PDE8B: variants seen among roughly 807,000 people sequenced by gnomAD.
PDE8B encodes the protein phosphodiesterase 8B.
A neutral mutation model predicts 101.3 loss-of-function variants in PDE8B; 26 were observed. That is an observed-to-expected ratio of 0.26 (90% confidence interval 0.19 to 0.36). The LOEUF (loss-of-function observed/expected upper bound fraction) is 0.36, where lower values mean the gene tolerates loss of function less well. Among genes scored for constraint, PDE8B ranks in the 10% least tolerant of loss-of-function variants. The pLI is 1.00. For missense variants in PDE8B, 810 were observed against 1,163.1 expected, an observed-to-expected ratio of 0.70 and a Z score of 4.42; for synonymous variants, 424 against 429.3, an observed-to-expected ratio of 0.99 and a Z score of 0.15.
chr5:77,369,721 A>C lies in PDE8B; in HGVS notation c.1167+16315A>C, dbSNP rs1784750063. ...CTAGAAAATGTGCAAGCTTGGCATC[A>C]TACCTCGAGACCACTACACAGCCCT... On this transcript the variant is annotated intron_variant, in intron 10 of 21. Coordinates refer to ENST00000264917, the MANE Select transcript of PDE8B (RefSeq NM_003719.5). Among the ~76,000 whole-genome samples, 4 of 152,238 alleles carry C rather than the reference A, an allele frequency of 2.6e-5. No homozygotes were observed. In the South Asian group the frequency reaches 8.3e-4, roughly 32 times the overall value.
At chr5:77,163,871 A>G in the PDE8B span, among the ~76,000 whole-genome samples, 1 of 152,184 alleles carries the variant, frequency 6.6e-6, no homozygotes, top group Non-Finnish European at 1.5e-5. Flanking sequence ...TTTCTTCACT[A>G]TTTCTAGCTT....
chr5:77,249,817 G>A (rs915463051), intron 1 of PDE8B, among the ~76,000 whole-genome samples: 1 of 152,180 alleles, frequency 6.6e-6, no homozygotes, highest in Admixed American at 6.5e-5. Context: ...TTAAATTTTG[G>A]GGGCAAGGAT....
chr5:77,139,927 A>C, the PDE8B span: 1 of 152,124 alleles, frequency 6.6e-6, no homozygotes, highest in Non-Finnish European at 1.5e-5. Flanking sequence ...CTTGGGCATT[A>C]CTTTTTCTGT....
the PDE8B span, among the ~76,000 whole-genome samples, chr5:77,187,758 C>T: frequency 5.9e-5 from 9 of 152,206 alleles, no homozygotes; most frequent in East Asian, 1.9e-4. Flanking sequence ...TTTTCATCTT[C>T]GAAAGAATTT....
intron 1 of PDE8B, among the ~76,000 whole-genome samples, chr5:77,232,567 G>T (rs540466289): frequency 3.3e-5 from 5 of 152,218 alleles, no homozygotes; most frequent in Admixed American, 3.3e-4. Flanking sequence ...TCTCCTTGCA[G>T]ACATAGCTGG....
the PDE8B span, among the ~76,000 whole-genome samples, chr5:77,156,454 G>A: frequency 1.3e-5 from 2 of 152,184 alleles, no homozygotes; most frequent in Admixed American, 1.3e-4. Flanking sequence ...CTAGCTGGAG[G>A]TGACCCCAGG....
chr5:77,384,386 G>T (rs529508999), intron 10 of PDE8B, among the ~76,000 whole-genome samples: 1 of 152,106 alleles, frequency 6.6e-6, no homozygotes, highest in Admixed American at 6.5e-5. Context: ...GGGCTGAGAC[G>T]ATGGGTTTTC....
intron 10 of PDE8B, among the ~76,000 whole-genome samples, chr5:77,389,316 A>G (rs1158190362): frequency 6.6e-6 from 1 of 152,084 alleles, no homozygotes; most frequent in African/African-American, 2.4e-5. Context: ...TCCCTTGGAT[A>G]GGGGAGGGAA....
chr5:77,153,664 T>G, the PDE8B span, among the ~76,000 whole-genome samples: 1 of 146,204 alleles, frequency 6.8e-6, no homozygotes, highest in Non-Finnish European at 1.5e-5. Context: ...AACCTCCGCC[T>G]CCCAGATTCA....
intron 1 of PDE8B, among the ~76,000 whole-genome samples, chr5:77,227,499 G>A (rs1016300513): frequency 2.6e-5 from 4 of 152,064 alleles, no homozygotes; most frequent in African/African-American, 9.7e-5. Context: ...AGAAGCAAAG[G>A]CACCCATGAG....
intron 10 of PDE8B, among the ~76,000 whole-genome samples, chr5:77,378,937 G>A (rs951217647): frequency 2.0e-5 from 3 of 152,206 alleles, no homozygotes; most frequent in African/African-American, 7.2e-5. Context: ...AAGTGTGGTG[G>A]TTCTTACATT....
chr5:77,335,777 T>C (rs1376411221), intron 5 of PDE8B, among the ~76,000 whole-genome samples: 1 of 152,192 alleles, frequency 6.6e-6, no homozygotes, highest in Non-Finnish European at 1.5e-5. Context: ...GCCATATGCT[T>C]AGAAAGGTTT....
chr5:77,168,003 G>A, the PDE8B span, among the ~76,000 whole-genome samples: 40 of 152,260 alleles, frequency 2.6e-4, no homozygotes, highest in Non-Finnish European at 1.6e-4. Context: ...CACTGCTGAC[G>A]TCAAGCTAGC....
At chr5:77,228,088 G>T (rs564054661) in intron 1 of PDE8B, among the ~76,000 whole-genome samples, 32 of 152,166 alleles carry the variant, frequency 2.1e-4, no homozygotes, top group Non-Finnish European at 4.1e-4. Context: ...AGCTTGACTG[G>T]AGAAAATCTT....
intron 1 of PDE8B, among the ~76,000 whole-genome samples, chr5:77,279,968 C>A (rs957752088): frequency 6.6e-6 from 1 of 152,186 alleles, no homozygotes; most frequent in Non-Finnish European, 1.5e-5. Flanking sequence ...GCATGCCTTT[C>A]CCTATTTCTG....
chr5:77,191,610 C>A, the PDE8B span, among the ~76,000 whole-genome samples: 1 of 152,130 alleles, frequency 6.6e-6, no homozygotes, highest in Admixed American at 6.5e-5. Flanking sequence ...GTCTCGGCCT[C>A]CCAAAGTGTT....
At chr5:77,352,576 G>A (rs1208783574) in intron 9 of PDE8B, among the ~76,000 whole-genome samples, 3 of 152,182 alleles carry the variant, frequency 2.0e-5, no homozygotes, top group Non-Finnish European at 4.4e-5. Flanking sequence ...GTTGGGTGAA[G>A]TTTATTACAG....
chr5:77,222,406 G>A (rs952208227), intron 1 of PDE8B, among the ~76,000 whole-genome samples: 3 of 152,068 alleles, frequency 2.0e-5, no homozygotes, highest in South Asian at 4.2e-4. Flanking sequence ...GGTGGATCAC[G>A]AGGTCAGGAG....
chr5:77,291,339 G>C (rs1225728940), intron 1 of PDE8B: 1 of 1,612,394 alleles, frequency 6.2e-7, no homozygotes, highest in Non-Finnish European at 8.5e-7. Context: ...TGGAGCAGCG[G>C]AAGAAGCAAA....
Sources: gnomAD v4.1 joint callset for allele counts (sites outside exome capture counted in the v4.1 genomes callset) on GRCh38, gnomAD v4.1.1 for gene constraint, MANE v1.5 for transcripts, NCBI Gene and HGNC (gene_info 2026-07-23, HGNC 2026-07-21) for gene names.